Variants in GNG7 observed in about 807,000 individuals in gnomAD.
GNG7 encodes the protein guanine nucleotide-binding protein G(I)/G(S)/G(O) subunit gamma-7.
GNG7 carries 1 observed loss-of-function variant against 4.0 expected under a neutral mutation model. That is an observed-to-expected ratio of 0.25 (90% CI 0.09 to 1.18). The LOEUF (loss-of-function observed/expected upper bound fraction) is 1.18, where lower values mean the gene tolerates loss of function less well. Among genes scored for constraint, GNG7 ranks in the 50% most tolerant of loss-of-function variants. The pLI is 0.50. For missense variants in GNG7, 86 were observed against 91.9 expected (o/e 0.94, Z 0.26); for synonymous variants, 34 against 36.9 (o/e 0.92, Z 0.29).
chr19:2,525,532 G>T (rs939356011), intron 3 of GNG7, among the ~76,000 whole-genome samples: 14 of 152,050 alleles, frequency 9.2e-5, no homozygotes, highest in African/African-American at 3.4e-4. Flanking sequence ...GTCGCTCAGG[G>T]AAGGGTGACC....
Position 2,589,285 on chromosome 19 carries a change from C to T in GNG7, c.-77-34097G>A, listed in dbSNP as rs532851643. Reference sequence around the variant, plus strand: ...TGGCCCAGGCTGGAGTGCAGTGGCGCGATATCAGCTCACTGTAACCTCCGC... The same window carrying T: ...TGGCCCAGGCTGGAGTGCAGTGGCGTGATATCAGCTCACTGTAACCTCCGC... On this transcript the variant is annotated intron_variant, in intron 2 of 4. Coordinates refer to ENST00000382159, the MANE Select transcript of GNG7 (RefSeq NM_052847.3). Among the ~76,000 whole-genome samples, 265 of 150,170 alleles carry T rather than the reference C, an allele frequency of 1.8e-3. 1 individual carries two copies. The highest frequency in any genetic ancestry group is 1.9e-3 in the South Asian group (9 of 4,728).
At chr19:2,688,522 C>T (rs546065928) in intron 1 of GNG7, among the ~76,000 whole-genome samples, 5 of 152,262 alleles carry the variant, frequency 3.3e-5, no homozygotes, top group Admixed American at 1.3e-4. Context: ...CCCGTAACCC[C>T]GGTCTGATCA....
chr19:2,516,375 C>T (rs891794284), intron 4 of GNG7, among the ~76,000 whole-genome samples: 3 of 151,994 alleles, frequency 2.0e-5, no homozygotes, highest in Non-Finnish European at 4.4e-5. Flanking sequence ...CAGGTGCCTG[C>T]CACCACGCCC....
chr19:2,542,756 G>GC (rs1055376892), intron 3 of GNG7, among the ~76,000 whole-genome samples: 11 of 152,092 alleles, frequency 7.2e-5, no homozygotes, highest in African/African-American at 2.2e-4. Flanking sequence ...AGGCTGGAGG[G>GC]CCCCCCGGTG....
chr19:2,673,123 A>G (rs995466832), intron 1 of GNG7, among the ~76,000 whole-genome samples: 4 of 151,750 alleles, frequency 2.6e-5, no homozygotes, highest in Non-Finnish European at 5.9e-5. Context: ...TGGGCGTGGC[A>G]GCGGGCGCCT....
chr19:2,651,299 TACCTTCCCTCCA>T (rs1982814189), intron 1 of GNG7, among the ~76,000 whole-genome samples: 2 of 43,692 alleles, frequency 4.6e-5, no homozygotes, highest in Non-Finnish European at 8.1e-5. Flanking sequence ...CCTCCCTCCC[TACCTTCCCTCCA>T]TCCCTCCCTC....
intron 3 of GNG7, among the ~76,000 whole-genome samples, chr19:2,528,292 G>C (rs1599374296): frequency 7.0e-6 from 1 of 142,258 alleles, no homozygotes; most frequent in Non-Finnish European, 1.5e-5. Flanking sequence ...AAAAAAAAAG[G>C]CCTGGCTCAG....
At position 2,568,072 on chromosome 19, in the gene GNG7, C is replaced by CACATAT. The variant is rs1473471749; in HGVS notation, c.-77-12890_-77-12885dup. Among the ~76,000 whole-genome samples the CACATAT allele has an allele frequency of 3.3e-5, 5 of 151,208 alleles. 1 individual carries two copies. The highest frequency in any genetic ancestry group is 1.2e-4 in the African/African-American group (5 of 41,216). ...AGATACACACACATATAGACATACA[C>CACATAT]ACATATACACATGCACACACACACA... On this transcript the variant is annotated intron_variant, in intron 2 of 4. Coordinates refer to ENST00000382159, the MANE Select transcript of GNG7 (RefSeq NM_052847.3).
At chr19:2,583,182 C>T (rs1980553192) in intron 2 of GNG7, among the ~76,000 whole-genome samples, 1 of 152,032 alleles carries the variant, frequency 6.6e-6, no homozygotes. Context: ...GACTAGCAGA[C>T]AGTGGGTGGA....
intron 1 of GNG7, among the ~76,000 whole-genome samples, chr19:2,697,489 G>T (rs79288228): frequency 0.019 from 2,859 of 152,226 alleles, 84 homozygotes; most frequent in African/African-American, 0.065. Context: ...TCATCGGTAG[G>T]GTCTCCTGGG....
chr19:2,539,346 C>A (rs566087353), intron 3 of GNG7, among the ~76,000 whole-genome samples: 1 of 149,992 alleles, frequency 6.7e-6, no homozygotes, highest in African/African-American at 2.5e-5. Context: ...CCTCTTGTCA[C>A]CCAGGCTGGA....
Position 2,603,312 on chromosome 19 carries a change from G to A in GNG7, c.-78+42912C>T, listed in dbSNP as rs565970821. Among the ~76,000 whole-genome samples the A allele has an allele frequency of 5.3e-5, 8 of 152,284 alleles. 1 individual carries two copies. Among genetic ancestry groups the A allele is most frequent in the South Asian group, 4.1e-4 (2 of 4,830 alleles). On this transcript the variant is annotated intron_variant, in intron 2 of 4. Coordinates refer to ENST00000382159, the MANE Select transcript of GNG7 (RefSeq NM_052847.3). ...GATCTCCTGACCTCGTGATCCACCC[G>A]CCTCGGCCTCCCAAAGTGCTAGGAT...
chr19:2,519,737 G>A (rs1176294268), intron 4 of GNG7, among the ~76,000 whole-genome samples: 2 of 152,098 alleles, frequency 1.3e-5, no homozygotes, highest in Non-Finnish European at 2.9e-5. Flanking sequence ...TCCAGGAGGA[G>A]GGAACTCTGC....
At chr19:2,686,261 G>T (rs141894328) in intron 1 of GNG7, among the ~76,000 whole-genome samples, 2 of 151,818 alleles carry the variant, frequency 1.3e-5, no homozygotes, top group Non-Finnish European at 2.9e-5. Flanking sequence ...GCGTTCAAGC[G>T]ATTCTCCTGC....
At chr19:2,670,507 C>T (rs760932889) in intron 1 of GNG7, among the ~76,000 whole-genome samples, 5 of 152,232 alleles carry the variant, frequency 3.3e-5, no homozygotes, top group Admixed American at 6.5e-5. Context: ...TGAGCTAGGA[C>T]GGCCACTGCG....
chr19:2,625,150 C>T (rs1187419047), intron 2 of GNG7, among the ~76,000 whole-genome samples: 1 of 152,180 alleles, frequency 6.6e-6, no homozygotes, highest in Non-Finnish European at 1.5e-5. Context: ...CTCACTGCAA[C>T]CTCCGCCTCC....
chr19:2,612,997 C>T (rs980178041), intron 2 of GNG7, among the ~76,000 whole-genome samples: 2 of 152,054 alleles, frequency 1.3e-5, no homozygotes, highest in African/African-American at 2.4e-5. Flanking sequence ...TGGCCAACGT[C>T]GGACATTTTT....
chr19:2,616,729 G>A (rs749910846), intron 2 of GNG7, among the ~76,000 whole-genome samples: 2 of 151,828 alleles, frequency 1.3e-5, no homozygotes, highest in Non-Finnish European at 2.9e-5. Context: ...GCAGTGAGCC[G>A]AGATCACGCC....
In GNG7 at chr19:2,511,975, C is replaced by T; in HGVS notation, c.*3047G>A. On this transcript the variant is annotated 3_prime_UTR_variant, in exon 5 of 5. Transcript: ENST00000382159. This position sits in a 1 kb window ranked among gnomAD's most constrained non-coding sequence, Gnocchi z 6.3. ...GGTCGGGGCCTGGCCCGCTGTGGCC[C>T]TTCACCTGGCTACTGGTGTCTCGCT... 3.0e-6 allele frequency: 3 copies of T among 985,910 alleles called. No individual in the cohort carries two copies. The highest frequency in any genetic ancestry group is 2.4e-6 in the Non-Finnish European group (2 of 829,966). The allele number at this position is 985,910 out of a possible 1,614,324, so 61.1% of individuals were successfully genotyped here. A position where few individuals can be genotyped will look rare whatever the true frequency, so the allele number is the denominator to read the frequency against.
Sources: allele counts gnomAD v4.1 joint callset (sites outside exome capture counted in the v4.1 genomes callset), GRCh38; gene constraint gnomAD v4.1.1; non-coding constraint Gnocchi (gnomAD v3.1); transcripts MANE v1.5; gene names NCBI Gene and HGNC (gene_info 2026-07-23, HGNC 2026-07-21).